POMGNT2: variants seen among roughly 807,000 people sequenced by gnomAD.
POMGNT2 encodes protein O-linked-mannose beta-1,4-N-acetylglucosaminyltransferase 2.
A neutral mutation model predicts 37.8 loss-of-function variants in POMGNT2; 32 were observed. The observed-to-expected ratio is 0.85, with a 90% CI of 0.64 to 1.14. The LOEUF (loss-of-function observed/expected upper bound fraction) is 1.14. Ranked by LOEUF, POMGNT2 falls within the 50% of genes most tolerant of loss-of-function variation. POMGNT2 has a pLI of 0.00. For synonymous variants in POMGNT2, 340 were observed against 336.8 expected, an observed-to-expected ratio of 1.01 and a Z score of -0.10; for missense variants, 705 against 780.6, an observed-to-expected ratio of 0.90 and a Z score of 1.15.
chr3:43,104,036 G>T (rs914445090), intron 1 of POMGNT2, among the ~76,000 whole-genome samples: 5 of 152,086 alleles, frequency 3.3e-5, no homozygotes, highest in African/African-American at 1.2e-4. Flanking sequence ...TGTTTTACAC[G>T]CATTATCTCA....
intron 1 of POMGNT2, among the ~76,000 whole-genome samples, chr3:43,090,126 A>T (rs2089930416): frequency 1.3e-5 from 2 of 151,790 alleles, no homozygotes; most frequent in East Asian, 3.9e-4. Context: ...GTCTTTTCCA[A>T]CCCATACACC....
At chr3:43,105,558 T>C (rs1344564917) in intron 1 of POMGNT2, among the ~76,000 whole-genome samples, 1 of 147,148 alleles carries the variant, frequency 6.8e-6, no homozygotes, top group Non-Finnish European at 1.5e-5. Context: ...GTTGCCCAGG[T>C]CCCCGGCCCC....
chr3:43,080,492 A>G lies in POMGNT2; in HGVS notation c.940T>C (p.Phe314Leu). 1 of 1,613,652 alleles carries G rather than the reference A, an allele frequency of 6.2e-7. No individual in the cohort carries two copies. The highest frequency in any genetic ancestry group is 8.5e-7 in the Non-Finnish European group (1 of 1,179,920). ...GACACTGTCACTGTCTTCATCTGGAACTCCTGGGCCAGTGCCAGCAGCAGC... is the reference window on the plus strand; with the variant it reads ...GACACTGTCACTGTCTTCATCTGGAGCTCCTGGGCCAGTGCCAGCAGCAGC... Reference protein sequence around the residue: ...AELLLALAQEFQMKTVTVSLE... With the variant: ...AELLLALAQELQMKTVTVSLE... The change falls in exon 2 of 2, where the codon TTC (phenylalanine) becomes CTC (leucine). Residue 314 changes from phenylalanine (F) to leucine (L), a missense_variant. Transcript: ENST00000344697.
intron 1 of POMGNT2, among the ~76,000 whole-genome samples, chr3:43,083,090 T>C (rs1379929151): frequency 1.3e-5 from 2 of 152,314 alleles, no homozygotes; most frequent in East Asian, 1.9e-4. Context: ...GGCCTACTCT[T>C]ATCCAAAGGT....
chr3:43,102,033 CAG>C (rs2090023346), intron 1 of POMGNT2, among the ~76,000 whole-genome samples: 1 of 152,072 alleles, frequency 6.6e-6, no homozygotes. Flanking sequence ...TGCAGGCCAG[CAG>C]AGAGGAGGTA....
At chr3:43,097,683 A>G (rs117325137) in intron 1 of POMGNT2, among the ~76,000 whole-genome samples, 1 of 152,194 alleles carries the variant, frequency 6.6e-6, no homozygotes, top group African/African-American at 2.4e-5. Context: ...CAGGGGGGTT[A>G]GATCTTCAAC....
intron 1 of POMGNT2, among the ~76,000 whole-genome samples, chr3:43,089,890 G>A (rs1201636914): frequency 6.6e-5 from 10 of 152,058 alleles, no homozygotes; most frequent in Non-Finnish European, 1.5e-5. Context: ...GGAGAATATA[G>A]TGGGGCCCTG....
At chr3:43,083,945 G>C (rs772666991) in intron 1 of POMGNT2, among the ~76,000 whole-genome samples, 1 of 152,008 alleles carries the variant, frequency 6.6e-6, no homozygotes, top group South Asian at 2.1e-4. Context: ...CCTTCATGTC[G>C]AAATGTCTGA....
chr3:43,088,926 G>A (rs980969168), intron 1 of POMGNT2, among the ~76,000 whole-genome samples: 4 of 152,202 alleles, frequency 2.6e-5, no homozygotes, highest in Non-Finnish European at 5.9e-5. Context: ...AACTGGTATG[G>A]AGGGAGAACT....
Position 43,081,133 on chromosome 3 carries a change from G to T in POMGNT2, c.299C>A (p.Thr100Asn). Residue 100 changes from threonine to asparagine, a missense_variant, in exon 2 of 2, where the codon ACC (threonine) becomes AAC (asparagine). Transcript: ENST00000344697. Reference protein sequence around the residue: ...AEEFIFFHGNTSVMLPNLGSR... With the variant: ...AEEFIFFHGNNSVMLPNLGSR... ...GCCCAGGTTGGGCAGCATGACAGAG[G>T]TGTTGCCATGGAAGAAGATGAACTC... The T allele has an allele frequency of 6.2e-7, 1 of 1,614,228 alleles. No homozygotes were observed. The highest frequency in any genetic ancestry group is 1.1e-5 in the South Asian group (1 of 91,086).
chr3:43,080,438 C>G lies in POMGNT2; in HGVS notation c.994G>C (p.Val332Leu). The G allele has an allele frequency of 5.6e-6, 9 of 1,614,194 alleles. No homozygotes were observed. The highest frequency in any genetic ancestry group is 7.6e-6 in the Non-Finnish European group (9 of 1,180,040). The change falls in exon 2 of 2, where the codon GTG becomes CTG. Residue 332 changes from valine to leucine, a missense_variant. Physicochemically the swap from Val to Leu is conservative, Grantham distance 32 (BLOSUM62 1). Transcript: ENST00000344697. Reference protein sequence around the residue: ...SLEDHTFADVVRLVSNASMLV... With the variant: ...SLEDHTFADVLRLVSNASMLV... ...ATGGAGGCATTGCTGACCAGCCGCA[C>G]GACATCAGCAAAGGTGTGGTCCTCC...
At chr3:43,102,026 A>AAG (rs2090023323) in intron 1 of POMGNT2, among the ~76,000 whole-genome samples, 1 of 152,132 alleles carries the variant, frequency 6.6e-6, no homozygotes, top group African/African-American at 2.4e-5. Context: ...CCATCCCTGC[A>AAG]GGCCAGCAGA....
chr3:43,093,099 C>T (rs2089955881), intron 1 of POMGNT2, among the ~76,000 whole-genome samples: 1 of 152,226 alleles, frequency 6.6e-6, no homozygotes, highest in African/African-American at 2.4e-5. Flanking sequence ...CCACCTGCCC[C>T]TCTCTTAGGC....
Position 43,081,420 on chromosome 3 carries a change from C to A in POMGNT2, c.12G>T (p.Ser4=), listed in dbSNP as rs368531523. MHL[S]AVFNALLVSV... ...ACACCAGGAGGGCGTTGAACACCGC[C>A]GAGAGGTGCATCCTAATGCCACTGT... is the stretch of plus-strand genomic sequence containing the variant. The change falls in exon 2 of 2, where the codon TCG becomes TCT. Residue 4 remains serine, a synonymous_variant. Transcript: ENST00000344697. 7.6e-6 allele frequency: 12 copies of A among 1,571,148 alleles called. No homozygotes were observed. Among genetic ancestry groups the A allele is most frequent in the Non-Finnish European group, 1.0e-5 (12 of 1,160,486 alleles).
At chr3:43,081,954 C>T (rs2089860230) in intron 1 of POMGNT2, among the ~76,000 whole-genome samples, 1 of 152,240 alleles carries the variant, frequency 6.6e-6, no homozygotes, top group Non-Finnish European at 1.5e-5. Flanking sequence ...CCGGCCATGC[C>T]CTGTTCTAGT....
chr3:43,097,307 G>A (rs114455792), intron 1 of POMGNT2, among the ~76,000 whole-genome samples: 2,448 of 152,286 alleles, frequency 0.016, 27 homozygotes, highest in Non-Finnish European at 0.026. Context: ...AGAGAATGGC[G>A]GGAAAGCAGC....
chr3:43,097,194 G>A (rs1456980935), intron 1 of POMGNT2, among the ~76,000 whole-genome samples: 2 of 152,208 alleles, frequency 1.3e-5, no homozygotes, highest in Non-Finnish European at 2.9e-5. Flanking sequence ...CCCAGAGTAG[G>A]AGGTGCACAC....
At chr3:43,099,642 G>A (rs1465830129) in intron 1 of POMGNT2, among the ~76,000 whole-genome samples, 2 of 152,156 alleles carry the variant, frequency 1.3e-5, no homozygotes, top group Non-Finnish European at 2.9e-5. Flanking sequence ...AAAGCTGCCA[G>A]GAGACCTGGG....
rs1400511572 is a variant in POMGNT2 at position 43,100,112 on chromosome 3, ACAC to A, written c.-106+5721_-106+5723del. Among the ~76,000 whole-genome samples the A allele has an allele frequency of 5.2e-3, 792 of 152,310 alleles. 7 individuals carry two copies. The highest frequency in any genetic ancestry group is 0.017 in the African/African-American group (726 of 41,564). ...CATGTATAGGACAAAGAACTCTCCT[ACAC>A]TCTTACCCAGATTCACCAACTGCTA... On this transcript the variant is annotated intron_variant, in intron 1 of 1. Transcript: ENST00000344697.
Sources: gnomAD v4.1 joint callset for allele counts (sites outside exome capture counted in the v4.1 genomes callset) on GRCh38, gnomAD v4.1.1 for gene constraint, MANE v1.5 for transcripts, NCBI Gene and HGNC (gene_info 2026-07-23, HGNC 2026-07-21) for gene names.